The following GPATCH8 variants were observed in gnomAD, a reference collection of about 807,000 sequenced individuals.
GPATCH8 encodes the protein G-patch domain containing 8.
A neutral mutation model predicts 118.3 loss-of-function variants in GPATCH8; 18 were observed. The observed-to-expected ratio is 0.15, with a 90% CI of 0.11 to 0.23. The LOEUF (loss-of-function observed/expected upper bound fraction) is 0.23, where lower values mean the gene tolerates loss of function less well. GPATCH8 is among the 10% of genes least tolerant of loss of function. The probability of loss-of-function intolerance (pLI) is 1.00; values close to 1 mark genes in which losing one functional copy is unlikely to be tolerated. For missense variants in GPATCH8, 1,631 were observed against 1,873.8 expected (o/e 0.87, Z 2.39); for synonymous variants, 659 against 684.7 (o/e 0.96, Z 0.59).
chr17:44,440,766 T>A (rs2050661797), intron 3 of GPATCH8, among the ~76,000 whole-genome samples: 1 of 152,240 alleles, frequency 6.6e-6, no homozygotes, highest in Non-Finnish European at 1.5e-5. Flanking sequence ...CAGTTCTGAT[T>A]TTAAAATGGT....
intron 2 of GPATCH8, among the ~76,000 whole-genome samples, chr17:44,474,139 TAAC>T (rs561976648): frequency 1.5e-4 from 23 of 152,206 alleles, no homozygotes; most frequent in Non-Finnish European, 2.9e-4. Context: ...TTAGACATTT[TAAC>T]AATAGACTGT....
chr17:44,416,197 G>C (rs2049676592), intron 6 of GPATCH8, among the ~76,000 whole-genome samples: 1 of 152,046 alleles, frequency 6.6e-6, no homozygotes. Flanking sequence ...GTACAGATGG[G>C]GTTTCATTTC....
At chr17:44,412,380 A>ATT (rs2049475322) in intron 6 of GPATCH8, among the ~76,000 whole-genome samples, 2 of 151,850 alleles carry the variant, frequency 1.3e-5, no homozygotes, top group African/African-American at 2.4e-5. Context: ...AGAACCTTTC[A>ATT]TTTTATTTTT....
intron 2 of GPATCH8, among the ~76,000 whole-genome samples, chr17:44,468,443 A>G (rs966734989): frequency 7.7e-6 from 1 of 130,286 alleles, no homozygotes; most frequent in Non-Finnish European, 1.5e-5. Context: ...GCTGGGGTGC[A>G]GTAGCACAGT....
At chr17:44,482,433 G>C (rs571761484) in intron 1 of GPATCH8, among the ~76,000 whole-genome samples, 1 of 151,694 alleles carries the variant, frequency 6.6e-6, no homozygotes, top group Non-Finnish European at 1.5e-5. Context: ...AATTAGCCGG[G>C]TGTGGTGGCG....
At chr17:44,496,220 G>C (rs1969661617) in intron 1 of GPATCH8, among the ~76,000 whole-genome samples, 3 of 152,074 alleles carry the variant, frequency 2.0e-5, no homozygotes, top group Non-Finnish European at 4.4e-5. Flanking sequence ...ATAATTTCTT[G>C]ATTTTGATCA....
In GPATCH8 at chr17:44,398,028, G is replaced by C. The variant is rs1415375080; in HGVS notation, c.4049C>G (p.Ala1350Gly). 6.2e-7 allele frequency: 1 copy of C among 1,613,838 alleles called. No homozygotes were observed. Among genetic ancestry groups the C allele is most frequent in the Non-Finnish European group, 8.5e-7 (1 of 1,179,862 alleles). The part of the protein sequence containing the change: ...VKAFPASAAL[A>G]PATPALQPIH... ...GGGTTGCAGGGCTGGTGTGGCTGGG[G>C]CCAGGGCAGCTGAGGCTGGAAAGGC... The change falls in exon 8 of 8, where the codon GCC becomes GGC. Residue 1350 changes from alanine (A) to glycine (G), a missense_variant. This residue lies in a region of GPATCH8 where 111 missense variants were observed against 112.4 expected (regional missense o/e 0.99). Transcript: ENST00000591680.
intron 6 of GPATCH8, among the ~76,000 whole-genome samples, chr17:44,407,496 T>A (rs2049275339): frequency 6.6e-6 from 1 of 152,086 alleles, no homozygotes; most frequent in Non-Finnish European, 1.5e-5. Context: ...TAATCCCACC[T>A]AGAAAAATGG....
At chr17:44,482,615 G>C (rs1044369944) in intron 1 of GPATCH8, among the ~76,000 whole-genome samples, 1 of 150,622 alleles carries the variant, frequency 6.6e-6, no homozygotes. Flanking sequence ...TAGATGACGG[G>C]TTCGTAGGTG....
chr17:44,462,469 G>A lies in GPATCH8; in HGVS notation c.193+2003C>T, dbSNP rs377038553. Reference sequence around the variant, plus strand: ...ACAAAATCTGTGGTCTATCCCATACGAATTGCTCTTAATCAGAGTATTCTT... The same window carrying A: ...ACAAAATCTGTGGTCTATCCCATACAAATTGCTCTTAATCAGAGTATTCTT... On this transcript the variant is annotated intron_variant, in intron 3 of 7. Transcript: ENST00000591680. 3.3e-5 allele frequency among the ~76,000 whole-genome samples: 5 copies of A among 152,232 alleles called. No homozygotes were observed. In the South Asian group the frequency reaches 1.0e-3, roughly 32 times the overall value.
chr17:44,473,265 G>C (rs1198533532), intron 2 of GPATCH8: 1 of 152,024 alleles, frequency 6.6e-6, no homozygotes, highest in Non-Finnish European at 1.5e-5. Flanking sequence ...CTCCCGAGTA[G>C]CTGGGACTAC....
At position 44,397,947 on chromosome 17, in the gene GPATCH8, T is replaced by C. The variant is rs1156368823; in HGVS notation, c.4130A>G (p.His1377Arg). The C allele has an allele frequency of 1.9e-6, 3 of 1,613,950 alleles. No homozygotes were observed. Among genetic ancestry groups the C allele is most frequent in the Admixed American group, 1.7e-5 (1 of 60,010 alleles). Reference protein sequence around the residue: ...ASATSITTVQHAILQHHAAAA... With the variant: ...ASATSITTVQRAILQHHAAAA... ...GGCAGCATGATGTTGTAGGATGGCA[T>C]GCTGAACAGTTGTGATGGAGGTGGC... The change falls in exon 8 of 8, where the codon CAT becomes CGT. Residue 1377 changes from histidine (H) to arginine (R), a missense_variant. His to Arg is a conservative substitution (Grantham distance 29, BLOSUM62 0). Coordinates refer to ENST00000591680, the MANE Select transcript of GPATCH8 (RefSeq NM_001002909.4).
chr17:44,469,336 C>T (rs1967090421), intron 2 of GPATCH8, among the ~76,000 whole-genome samples: 1 of 152,182 alleles, frequency 6.6e-6, no homozygotes, highest in Admixed American at 6.5e-5. Flanking sequence ...ACTTTCTGCT[C>T]CATGAAGCTG....
rs2048757356 is a variant in GPATCH8 at position 44,395,756 on chromosome 17, G to GT, written c.*1811dup. On this transcript the variant is annotated 3_prime_UTR_variant, in exon 8 of 8. Coordinates refer to ENST00000591680, the MANE Select transcript of GPATCH8 (RefSeq NM_001002909.4). ...AGGCAGGAACAGAGCCTTGGCCCAG[G>GT]TAAGTATGGTTTTTCTTGTCAAGTG... 2.2e-6 allele frequency: 1 copy of GT among 454,012 alleles called. No individual in the cohort carries two copies. The highest frequency in any genetic ancestry group is 4.4e-6 in the Non-Finnish European group (1 of 226,802). The allele number at this position is 454,012 out of a possible 1,614,324, so 28.1% of individuals were successfully genotyped here. A position where few individuals can be genotyped will look rare whatever the true frequency, so the allele number is the denominator to read the frequency against.
chr17:44,490,697 A>G (rs1969180833), intron 1 of GPATCH8, among the ~76,000 whole-genome samples: 1 of 152,062 alleles, frequency 6.6e-6, no homozygotes, highest in Admixed American at 6.6e-5. Context: ...ATATGCATAC[A>G]CCCAACTGAC....
At chr17:44,492,482 G>A (rs1169836990) in intron 1 of GPATCH8, among the ~76,000 whole-genome samples, 1 of 151,708 alleles carries the variant, frequency 6.6e-6, no homozygotes, top group African/African-American at 2.4e-5. Context: ...TGAGGCAGGA[G>A]AATGGCGTGA....
At chr17:44,491,486 CAA>C (rs1023934645) in intron 1 of GPATCH8, among the ~76,000 whole-genome samples, 59 of 69,502 alleles carry the variant, frequency 8.5e-4, no homozygotes, top group South Asian at 1.1e-3. Flanking sequence ...GACTCCGTCT[CAA>C]AAAAAAAAAA....
intron 6 of GPATCH8, among the ~76,000 whole-genome samples, chr17:44,417,462 G>C (rs929341203): frequency 2.0e-5 from 3 of 152,054 alleles, no homozygotes; most frequent in Non-Finnish European, 4.4e-5. Context: ...CAAGTGATCT[G>C]CCCGCCTGAG....
At chr17:44,444,807 C>A (rs906359754) in intron 3 of GPATCH8, among the ~76,000 whole-genome samples, 1 of 152,098 alleles carries the variant, frequency 6.6e-6, no homozygotes, top group Non-Finnish European at 1.5e-5. Flanking sequence ...CACTTTTGTG[C>A]CCTGAGTTTT....
Sources: allele counts gnomAD v4.1 joint callset (sites outside exome capture counted in the v4.1 genomes callset), GRCh38; gene constraint gnomAD v4.1.1; regional missense constraint gnomAD v4.1.1; transcripts MANE v1.5; gene names NCBI Gene and HGNC (gene_info 2026-07-23, HGNC 2026-07-21).